The following NXN variants were observed in gnomAD, a reference collection of about 807,000 sequenced individuals.
NXN encodes nucleoredoxin.
In NXN, 16 loss-of-function variants were observed where a neutral mutation model predicts 48.6. The observed-to-expected ratio is 0.33, with a 90% CI of 0.22 to 0.50. The LOEUF is 0.50. Ranked by LOEUF, NXN falls within the 20% of genes least tolerant of loss-of-function variation. NXN has a pLI of 0.98. For synonymous variants in NXN, 281 were observed against 269.6 expected (o/e 1.04, Z -0.41); for missense variants, 492 against 605.5 (o/e 0.81, Z 1.97).
At chr17:844,999 C>A (rs1471415510) in intron 1 of NXN, among the ~76,000 whole-genome samples, 3 of 152,052 alleles carry the variant, frequency 2.0e-5, no homozygotes, top group East Asian at 1.9e-4. Flanking sequence ...ATCCCAGCAC[C>A]CCAGAGCTCC....
chr17:965,351 GCTTA>G (rs1309434268), intron 1 of NXN, among the ~76,000 whole-genome samples: 1 of 152,140 alleles, frequency 6.6e-6, no homozygotes, highest in Non-Finnish European at 1.5e-5. Flanking sequence ...AGACCTTCCG[GCTTA>G]CTTTAGTTAT....
At chr17:976,313 G>T (rs867909076) in intron 1 of NXN, among the ~76,000 whole-genome samples, 1 of 150,326 alleles carries the variant, frequency 6.7e-6, no homozygotes, top group Non-Finnish European at 1.5e-5. Flanking sequence ...ATTAATAAAA[G>T]AAAAAAAGAA....
chr17:857,924 G>A (rs1022096882), intron 1 of NXN, among the ~76,000 whole-genome samples: 3 of 150,942 alleles, frequency 2.0e-5, no homozygotes, highest in Non-Finnish European at 2.9e-5. Context: ...AATTACTAAC[G>A]TTTCTCTAAC....
intron 1 of NXN, among the ~76,000 whole-genome samples, chr17:886,513 A>G (rs1188316790): frequency 1.3e-5 from 2 of 152,174 alleles, no homozygotes; most frequent in African/African-American, 2.4e-5. Flanking sequence ...GCGGTGGCTC[A>G]CGCCAGGAAT....
chr17:887,715 G>A (rs2068364037), intron 1 of NXN, among the ~76,000 whole-genome samples: 1 of 152,180 alleles, frequency 6.6e-6, no homozygotes, highest in Non-Finnish European at 1.5e-5. Context: ...CACCGTCACA[G>A]AGCTGGCCCC....
At chr17:874,541 G>A (rs1353030262) in intron 1 of NXN, among the ~76,000 whole-genome samples, 1 of 152,224 alleles carries the variant, frequency 6.6e-6, no homozygotes, top group African/African-American at 2.4e-5. Flanking sequence ...CCGAGATCAT[G>A]CCACTGCACT....
Position 917,699 on chromosome 17 carries a change from CGACCTCCTAGACG to C in NXN, c.360+61607_360+61619del, listed in dbSNP as rs1275016208. The stretch of plus-strand genomic sequence containing the variant: ...TGCAGGCGAGCTTCCCTACCCAATC[CGACCTCCTAGACG>C]GACACCCCAGGTTCCAGCCCTACAA... On this transcript the variant is annotated intron_variant, in intron 1 of 7. Transcript: ENST00000336868. The surrounding 1 kb of genome is among the most constrained non-coding windows in gnomAD (Gnocchi z 4.5). 6.6e-6 allele frequency among the ~76,000 whole-genome samples: 1 copy of C among 152,230 alleles called. No individual in the cohort carries two copies. The highest frequency in any genetic ancestry group is 1.5e-5 in the Non-Finnish European group (1 of 68,036).
intron 1 of NXN, chr17:933,543 TAC>T (rs1567507807): frequency 6.6e-6 from 1 of 152,004 alleles, no homozygotes; most frequent in Non-Finnish European, 1.5e-5. Flanking sequence ...TCTGCTTGGA[TAC>T]ACACTTTCTG....
intron 1 of NXN, among the ~76,000 whole-genome samples, chr17:829,444 C>T (rs1022944487): frequency 2.7e-5 from 4 of 149,428 alleles, no homozygotes; most frequent in African/African-American, 4.9e-5. Flanking sequence ...TGTGAGCCAC[C>T]GTGCTCGGAC....
chr17:953,680 A>G (rs1393223505), intron 1 of NXN, among the ~76,000 whole-genome samples: 1 of 152,214 alleles, frequency 6.6e-6, no homozygotes, highest in Non-Finnish European at 1.5e-5. Flanking sequence ...CCAGAGTGAG[A>G]CAGAGGCTCG....
rs892516060 is a variant in NXN, at chr17:920,865, G to A, written c.360+58454C>T. On this transcript the variant is annotated intron_variant, in intron 1 of 7. Transcript: ENST00000336868. This position sits in a 1 kb window ranked among gnomAD's most constrained non-coding sequence, Gnocchi z 4.6. ...AACCTCCCGAGTAGTTGGGATTACA[G>A]GCGCCCGCCACCATGTCCGGCTAAT... Among the ~76,000 whole-genome samples the A allele has an allele frequency of 6.6e-6, 1 of 152,004 alleles. No homozygotes were observed. Among genetic ancestry groups the A allele is most frequent in the Non-Finnish European group, 1.5e-5 (1 of 68,018 alleles).
chr17:930,001 G>A (rs2068837925), intron 1 of NXN: 1 of 151,796 alleles, frequency 6.6e-6, no homozygotes, highest in African/African-American at 2.4e-5. Flanking sequence ...ATCAATGACG[G>A]GGGTTAGAAT....
chr17:843,052 GAAA>G (rs1263631670), intron 1 of NXN, among the ~76,000 whole-genome samples: 24 of 114,918 alleles, frequency 2.1e-4, no homozygotes, highest in South Asian at 5.1e-4. Context: ...AAGAAAGAAA[GAAA>G]GAAGGAAGAA....
intron 1 of NXN, among the ~76,000 whole-genome samples, chr17:904,673 A>G (rs71357132): frequency 0.019 from 2,840 of 152,236 alleles, 65 homozygotes; most frequent in Middle Eastern, 0.075. Context: ...TCTCCTGAGT[A>G]GCTGGGATTA....
chr17:896,864 C>T lies in NXN; in HGVS notation c.361-70786G>A. 8.4e-6 allele frequency: 6 copies of T among 712,434 alleles called. 1 individual carries two copies. Among genetic ancestry groups the T allele is most frequent in the South Asian group, 3.1e-5 (2 of 63,818 alleles). 44.1% of individuals were successfully genotyped at this position (712,434 alleles called of 1,614,324 possible). A position where few individuals can be genotyped will look rare whatever the true frequency, so the allele number is the denominator to read the frequency against. On this transcript the variant is annotated intron_variant, in intron 1 of 7. Coordinates refer to ENST00000336868, the MANE Select transcript of NXN (RefSeq NM_022463.5). ...GACCACGCGGTCCTGACCACCCGCC[C>T]CCGGCCCCTCAACAAACTCACGCTA...
At chr17:881,412 A>G (rs1185567595) in intron 1 of NXN, among the ~76,000 whole-genome samples, 1 of 152,130 alleles carries the variant, frequency 6.6e-6, no homozygotes, top group African/African-American at 2.4e-5. Flanking sequence ...TTTTCCATTG[A>G]GACGGGGTTT....
intron 1 of NXN, among the ~76,000 whole-genome samples, chr17:943,747 C>T (rs1017976068): frequency 6.6e-6 from 1 of 151,726 alleles, no homozygotes; most frequent in Admixed American, 6.6e-5. Context: ...ACTGCTTGAA[C>T]CCAGGAGGCG....
intron 1 of NXN, among the ~76,000 whole-genome samples, chr17:855,632 G>A (rs1056800491): frequency 2.0e-5 from 3 of 152,192 alleles, no homozygotes; most frequent in Admixed American, 2.0e-4. Flanking sequence ...TACAGGCAAG[G>A]TCCCATCTGA....
At chr17:887,239 C>T (rs1485735490) in intron 1 of NXN, among the ~76,000 whole-genome samples, 1 of 152,096 alleles carries the variant, frequency 6.6e-6, no homozygotes, top group African/African-American at 2.4e-5. Context: ...CTGGTGGGAG[C>T]TCCATAAATC....
Sources: allele counts gnomAD v4.1 joint callset (sites outside exome capture counted in the v4.1 genomes callset), GRCh38; gene constraint gnomAD v4.1.1; non-coding constraint Gnocchi (gnomAD v3.1); transcripts MANE v1.5; gene names NCBI Gene and HGNC (gene_info 2026-07-23, HGNC 2026-07-21).